CDH17: variants seen among roughly 807,000 people sequenced by gnomAD.
CDH17 encodes cadherin 17, also known as cadherin-17.
Under a neutral mutation model 86.3 loss-of-function variants are expected in CDH17, and 67 were observed. The observed-to-expected ratio is 0.78, with a 90% CI of 0.64 to 0.95. The LOEUF (loss-of-function observed/expected upper bound fraction) is 0.95, where lower values mean the gene tolerates loss of function less well. Among genes scored for constraint, CDH17 ranks in the 40% least tolerant of loss-of-function variants. The probability of loss-of-function intolerance (pLI) is 0.00; values close to 1 mark genes in which losing one functional copy is unlikely to be tolerated. For missense variants in CDH17, 993 were observed against 1,017.6 expected, an observed-to-expected ratio of 0.98 and a Z score of 0.33; for synonymous variants, 367 against 366.4, an observed-to-expected ratio of 1.00 and a Z score of -0.02.
chr8:94,128,055 T>G lies in CDH17; in HGVS notation c.*185A>C. 1.8e-6 allele frequency: 1 copy of G among 549,792 alleles called. No homozygotes were observed. Among genetic ancestry groups the G allele is most frequent in the Non-Finnish European group, 3.2e-6 (1 of 309,564 alleles). The allele number at this position is 549,792 out of a possible 1,614,324, so 34.1% of individuals were successfully genotyped here. ...TTGCAGTGAGCTGGGATCACACCAC[T>G]GTACTCCAGCCTGGGCGACAGAGCA... On this transcript the variant is annotated 3_prime_UTR_variant, in exon 18 of 18. Transcript: ENST00000027335.
In CDH17 at chr8:94,170,910, C is replaced by A; in HGVS notation, c.859G>T (p.Asp287Tyr). 6.2e-7 allele frequency: 1 copy of A among 1,613,828 alleles called. No homozygotes were observed. The highest frequency in any genetic ancestry group is 1.1e-5 in the South Asian group (1 of 91,052). ...GTCACGTAAATATCTCCTTCCTGGTCAATTGAAAATGGGAATCTTGGCAGC... is the reference window on the plus strand; with the variant it reads ...GTCACGTAAATATCTCCTTCCTGGTAAATTGAAAATGGGAATCTTGGCAGC... ...EKLPRFPFSI[D>Y]QEGDIYVTQP... Residue 287 changes from aspartate (D) to tyrosine (Y), a missense_variant, in exon 8 of 18, where the codon GAC (aspartate) becomes TAC (tyrosine). Coordinates refer to ENST00000027335, the MANE Select transcript of CDH17 (RefSeq NM_004063.4).
intron 3 of CDH17, among the ~76,000 whole-genome samples, chr8:94,184,810 T>C (rs1157001461): frequency 1.3e-5 from 2 of 152,220 alleles, no homozygotes; most frequent in African/African-American, 2.4e-5. Flanking sequence ...AGTACAGAGC[T>C]GGCACTAGTT....
intron 2 of CDH17, among the ~76,000 whole-genome samples, chr8:94,192,938 T>C (rs1461552789): frequency 6.6e-6 from 1 of 152,206 alleles, no homozygotes; most frequent in Non-Finnish European, 1.5e-5. Context: ...AATAAAGCCC[T>C]ATGCAGAAGG....
chr8:94,214,335 G>C (rs909369653), intron 1 of CDH17, among the ~76,000 whole-genome samples: 1 of 152,114 alleles, frequency 6.6e-6, no homozygotes, highest in African/African-American at 2.4e-5. Context: ...CCCCTTCTGT[G>C]CCTGTGGGTC....
intron 14 of CDH17, among the ~76,000 whole-genome samples, chr8:94,146,799 A>G (rs1173416614): frequency 6.6e-6 from 1 of 152,226 alleles, no homozygotes; most frequent in Non-Finnish European, 1.5e-5. Context: ...CTAAGTGCTC[A>G]GTATGGGGCT....
intron 1 of CDH17, among the ~76,000 whole-genome samples, chr8:94,199,096 T>TTA (rs1813855617): frequency 7.4e-6 from 1 of 135,456 alleles, no homozygotes; most frequent in African/African-American, 2.8e-5. Context: ...TTTTTTTTTT[T>TTA]ATCATTTGTC....
chr8:94,159,948 T>C, intron 12 of CDH17, 23 bp downstream of exon 12: 16 of 1,568,262 alleles, frequency 1.0e-5, no homozygotes, highest in Non-Finnish European at 1.2e-5. Context: ...AGACAAATTC[T>C]ATTAAATAAA....
chr8:94,187,674 G>A (rs1813608105), intron 3 of CDH17, among the ~76,000 whole-genome samples: 1 of 151,912 alleles, frequency 6.6e-6, no homozygotes. Context: ...CTGTCTCTGT[G>A]GCCTCCTCTC....
chr8:94,130,483 T>A (rs926545603), intron 17 of CDH17, 143 bp downstream of exon 17: 42 of 591,736 alleles, frequency 7.1e-5, no homozygotes, highest in Non-Finnish European at 1.2e-4. Context: ...TCTGATGTAA[T>A]TTGCTGGTGA....
chr8:94,185,853 T>C (rs1013167328), intron 3 of CDH17, among the ~76,000 whole-genome samples: 1 of 152,196 alleles, frequency 6.6e-6, no homozygotes, highest in Non-Finnish European at 1.5e-5. Flanking sequence ...TATCCCCTTT[T>C]GACTTACTTT....
intron 4 of CDH17, 92 bp downstream of exon 4, chr8:94,177,495 C>A: frequency 7.6e-7 from 1 of 1,322,688 alleles, no homozygotes; most frequent in South Asian, 1.3e-5. Flanking sequence ...TAACTGGATT[C>A]TGTGCAAGGA....
chr8:94,216,978 A>G (rs1430044432), intron 1 of CDH17, among the ~76,000 whole-genome samples: 1 of 152,186 alleles, frequency 6.6e-6, no homozygotes, highest in Non-Finnish European at 1.5e-5. Flanking sequence ...CCCTCTACCA[A>G]GCAATTTTGC....
chr8:94,143,224 C>T (rs1428465823), intron 15 of CDH17, among the ~76,000 whole-genome samples: 1 of 152,162 alleles, frequency 6.6e-6, no homozygotes, highest in Non-Finnish European at 1.5e-5. Context: ...TGTACATCTC[C>T]ACCAGAGCTC....
chr8:94,160,603 G>T (rs1250246718), intron 11 of CDH17, among the ~76,000 whole-genome samples: 1 of 152,190 alleles, frequency 6.6e-6, no homozygotes, highest in Non-Finnish European at 1.5e-5. Context: ...AATATGAATT[G>T]TAGGCTTGCT....
At chr8:94,203,315 A>C (rs1813957617) in intron 1 of CDH17, among the ~76,000 whole-genome samples, 1 of 152,220 alleles carries the variant, frequency 6.6e-6, no homozygotes, top group Non-Finnish European at 1.5e-5. Flanking sequence ...AGCTTCAAAG[A>C]ACAAAGAAGT....
chr8:94,212,416 C>A (rs543519270), upstream of CDH17, among the ~76,000 whole-genome samples: 1 of 152,244 alleles, frequency 6.6e-6, no homozygotes, highest in South Asian at 2.1e-4. Flanking sequence ...GCTGGGAATA[C>A]AAGTGTAAGG....
chr8:94,214,227 C>T (rs1814163620), intron 1 of CDH17, among the ~76,000 whole-genome samples: 1 of 152,028 alleles, frequency 6.6e-6, no homozygotes, highest in East Asian at 1.9e-4. Flanking sequence ...CAGTGACTGC[C>T]TAGGAAGTAC....
At chr8:94,190,568 G>C (rs1378206413) in intron 2 of CDH17, among the ~76,000 whole-genome samples, 1 of 152,218 alleles carries the variant, frequency 6.6e-6, no homozygotes, top group Non-Finnish European at 1.5e-5. Flanking sequence ...TCTCCCATTT[G>C]TGGAAATCAG....
At chr8:94,142,689 G>GTTAT (rs753706003) in intron 15 of CDH17, among the ~76,000 whole-genome samples, 9 of 152,158 alleles carry the variant, frequency 5.9e-5, no homozygotes, top group Non-Finnish European at 1.3e-4. Flanking sequence ...ATCCTTGCTT[G>GTTAT]TTATTTCAAC....
Sources: allele counts gnomAD v4.1 joint callset (sites outside exome capture counted in the v4.1 genomes callset), GRCh38; gene constraint gnomAD v4.1.1; transcripts MANE v1.5; gene names NCBI Gene and HGNC (gene_info 2026-07-23, HGNC 2026-07-21).